CSMD1: variants seen among roughly 807,000 people sequenced by gnomAD.
The protein encoded by CSMD1 is CUB and Sushi multiple domains 1.
Under a neutral mutation model 417.5 loss-of-function variants are expected in CSMD1, and 213 were observed. The ratio of observed to expected loss-of-function variants is 0.51; its 90% confidence interval spans 0.46 to 0.57. CSMD1 has a LOEUF of 0.57. CSMD1 is among the 20% of genes least tolerant of loss of function. The pLI is 0.00. For missense variants in CSMD1, 6,923 were observed against 4,529.7 expected, an observed-to-expected ratio of 1.53 and a Z score of -15.17; for synonymous variants, 2,862 against 1,736.8, an observed-to-expected ratio of 1.65 and a Z score of -16.11.
At chr8:3,867,994 G>C (rs1393591608) in intron 5 of CSMD1, among the ~76,000 whole-genome samples, 1 of 152,024 alleles carries the variant, frequency 6.6e-6, no homozygotes, top group Non-Finnish European at 1.5e-5. Context: ...AAGATTCTCA[G>C]GTCACACACC....
At chr8:4,866,807 A>T (rs957985469) in intron 1 of CSMD1, among the ~76,000 whole-genome samples, 1 of 152,048 alleles carries the variant, frequency 6.6e-6, no homozygotes, top group Non-Finnish European at 1.5e-5. Context: ...TATTCCAATG[A>T]TACAGGATCC....
At chr8:3,592,674 C>T (rs1024498520) in intron 8 of CSMD1, among the ~76,000 whole-genome samples, 2 of 127,776 alleles carry the variant, frequency 1.6e-5, no homozygotes, top group Non-Finnish European at 3.0e-5. Context: ...GTGTGCACAT[C>T]CGTGTGTGTG....
intron 2 of CSMD1, among the ~76,000 whole-genome samples, chr8:4,558,208 G>C (rs951459663): frequency 6.6e-6 from 1 of 152,144 alleles, no homozygotes; most frequent in Non-Finnish European, 1.5e-5. Context: ...GTGATGTAAT[G>C]TGTCCCCTTA....
chr8:4,793,092 T>A (rs1005635887), intron 1 of CSMD1, among the ~76,000 whole-genome samples: 1 of 152,114 alleles, frequency 6.6e-6, no homozygotes, highest in Non-Finnish European at 1.5e-5. Flanking sequence ...AGCACTGTCA[T>A]ATACAATTTT....
chr8:4,970,459 A>G (rs1032739215), intron 1 of CSMD1, among the ~76,000 whole-genome samples: 2 of 152,150 alleles, frequency 1.3e-5, no homozygotes, highest in Non-Finnish European at 2.9e-5. Flanking sequence ...CCAAAATGAC[A>G]TCGGTCATTT....
At chr8:3,598,345 T>C (rs1448861672) in intron 8 of CSMD1, 2 of 152,192 alleles carry the variant, frequency 1.3e-5, no homozygotes, top group African/African-American at 2.4e-5. Flanking sequence ...GGCTGGTATG[T>C]TTGCTTTAAC....
At chr8:4,458,222 T>C (rs1357616040) in intron 2 of CSMD1, among the ~76,000 whole-genome samples, 1 of 152,180 alleles carries the variant, frequency 6.6e-6, no homozygotes, top group African/African-American at 2.4e-5. Flanking sequence ...ATATGGAACT[T>C]ATAATGATCG....
At chr8:4,278,064 A>C (rs1370089968) in intron 3 of CSMD1, among the ~76,000 whole-genome samples, 1 of 152,212 alleles carries the variant, frequency 6.6e-6, no homozygotes, top group Non-Finnish European at 1.5e-5. Context: ...CCTAACTTTA[A>C]ATACAATAAT....
chr8:4,394,792 C>G (rs764931385), intron 3 of CSMD1, among the ~76,000 whole-genome samples: 1 of 152,156 alleles, frequency 6.6e-6, no homozygotes, highest in East Asian at 1.9e-4. Context: ...TGCAGCCTCA[C>G]CTTAGTTTTC....
chr8:4,269,026 G>A (rs1216020859), intron 3 of CSMD1, among the ~76,000 whole-genome samples: 2 of 152,056 alleles, frequency 1.3e-5, no homozygotes, highest in Non-Finnish European at 2.9e-5. Context: ...TACACAATGA[G>A]GTGCATTTTC....
intron 3 of CSMD1, among the ~76,000 whole-genome samples, chr8:4,097,633 G>C (rs190017353): frequency 1.3e-5 from 2 of 152,158 alleles, no homozygotes; most frequent in African/African-American, 4.8e-5. Flanking sequence ...CTGCAACATA[G>C]GGATTCAAGT....
At chr8:4,716,944 A>C (rs1303818550) in intron 1 of CSMD1, among the ~76,000 whole-genome samples, 2 of 152,192 alleles carry the variant, frequency 1.3e-5, no homozygotes, top group Non-Finnish European at 2.9e-5. Context: ...ATAGGTTAAA[A>C]AATGAAACTT....
At chr8:3,220,888 C>T (rs1798169098) in intron 28 of CSMD1, among the ~76,000 whole-genome samples, 1 of 152,138 alleles carries the variant, frequency 6.6e-6, no homozygotes, top group African/African-American at 2.4e-5. Context: ...ATTGCAGCTG[C>T]CCCTTCCCTC....
chr8:4,505,658 C>A (rs982063705), intron 2 of CSMD1, among the ~76,000 whole-genome samples: 1 of 152,142 alleles, frequency 6.6e-6, no homozygotes, highest in African/African-American at 2.4e-5. Context: ...AGTCCAGTGT[C>A]CATGTTGCTC....
intron 7 of CSMD1, among the ~76,000 whole-genome samples, chr8:3,693,454 C>G (rs372644231): frequency 1.3e-5 from 2 of 151,962 alleles, no homozygotes; most frequent in South Asian, 2.1e-4. Context: ...GGTATTGATA[C>G]GAGGAGTTGA....
At chr8:3,767,851 G>C (rs1798366698) in intron 5 of CSMD1, among the ~76,000 whole-genome samples, 1 of 152,122 alleles carries the variant, frequency 6.6e-6, no homozygotes, top group Admixed American at 6.5e-5. Context: ...CAGTGGGTCA[G>C]ATAAATAAAT....
intron 10 of CSMD1, among the ~76,000 whole-genome samples, chr8:3,499,482 G>A (rs1408386273): frequency 6.6e-6 from 1 of 152,124 alleles, no homozygotes; most frequent in Non-Finnish European, 1.5e-5. Flanking sequence ...TGAGCATTCA[G>A]CAACTCCACT....
chr8:3,128,905 T>A, intron 41 of CSMD1: 1 of 452,796 alleles, frequency 2.2e-6, no homozygotes, highest in Non-Finnish European at 4.4e-6. Flanking sequence ...ATCCTCCTAT[T>A]GCAAGAGACA....
At chr8:4,290,790 G>C (rs897408809) in intron 3 of CSMD1, among the ~76,000 whole-genome samples, 1 of 152,080 alleles carries the variant, frequency 6.6e-6, no homozygotes, top group African/African-American at 2.4e-5. Flanking sequence ...TTTTTGGTAA[G>C]CTTTTACTTT....
Sources: allele counts gnomAD v4.1 joint callset (sites outside exome capture counted in the v4.1 genomes callset), GRCh38; gene constraint gnomAD v4.1.1; transcripts MANE v1.5; gene names NCBI Gene and HGNC (gene_info 2026-07-23, HGNC 2026-07-21).